Variants in STK32A observed in about 807,000 individuals in gnomAD.
STK32A encodes the protein serine/threonine kinase 32A, also known as serine/threonine-protein kinase 32A.
In STK32A, 41 loss-of-function variants were observed where a neutral mutation model predicts 53.2. The observed-to-expected ratio is 0.77, with a 90% CI of 0.60 to 1.00. The LOEUF (loss-of-function observed/expected upper bound fraction) is 1.00, where lower values mean the gene tolerates loss of function less well. Ranked by LOEUF, STK32A falls within the 50% of genes least tolerant of loss-of-function variation. STK32A has a pLI of 0.00. For synonymous variants in STK32A, 166 were observed against 162.8 expected (o/e 1.02, Z -0.15); for missense variants, 458 against 485.8 (o/e 0.94, Z 0.54).
intron 4 of STK32A, among the ~76,000 whole-genome samples, chr5:147,288,328 CTTT>C (rs1415629743): frequency 6.6e-6 from 1 of 152,174 alleles, no homozygotes; most frequent in Non-Finnish European, 1.5e-5. Flanking sequence ...CTAATAAATG[CTTT>C]TTGTTTTAGT....
At chr5:147,319,787 G>A (rs1357773657) in intron 4 of STK32A, among the ~76,000 whole-genome samples, 1 of 152,048 alleles carries the variant, frequency 6.6e-6, no homozygotes, top group Non-Finnish European at 1.5e-5. Context: ...CCCTGTTCAG[G>A]GTCAGAAAAA....
rs1163373236 is a variant in STK32A, at chr5:147,387,674, T to G, written c.*3691T>G. 6.6e-6 allele frequency: 1 copy of G among 152,244 alleles called. No individual in the cohort carries two copies. Among genetic ancestry groups the G allele is most frequent in the Non-Finnish European group, 1.5e-5 (1 of 68,050 alleles). 9.4% of individuals were successfully genotyped at this position (152,244 alleles called of 1,614,324 possible). On this transcript the variant is annotated 3_prime_UTR_variant, in exon 13 of 13. Transcript: ENST00000397936. ...GTCTGTGATTCCTGTTTATTACAAA[T>G]TCAGTGTGTCTGACTGATATTAAAC... is the stretch of plus-strand genomic sequence containing the variant.
chr5:147,269,994 A>G (rs1034736221), intron 2 of STK32A, among the ~76,000 whole-genome samples: 3 of 152,198 alleles, frequency 2.0e-5, no homozygotes, highest in African/African-American at 7.2e-5. Flanking sequence ...TTGAATATCA[A>G]TTATGTAATT....
intron 5 of STK32A, among the ~76,000 whole-genome samples, chr5:147,325,443 G>A (rs1213318217): frequency 6.6e-6 from 1 of 152,212 alleles, no homozygotes; most frequent in East Asian, 1.9e-4. Context: ...GTGAGCCACT[G>A]TACTCAGCCT....
chr5:147,361,659 C>T, intron 8 of STK32A, 45 bp downstream of exon 8: 1 of 1,354,544 alleles, frequency 7.4e-7, no homozygotes, highest in Non-Finnish European at 1.0e-6. Context: ...CCAGCAAGTT[C>T]TATTTTAGAA....
chr5:147,316,160 A>G (rs1033162655), intron 4 of STK32A, among the ~76,000 whole-genome samples: 1 of 152,194 alleles, frequency 6.6e-6, no homozygotes, highest in Admixed American at 6.5e-5. Context: ...AGTGGGATAG[A>G]ACCAACAAGT....
chr5:147,372,769 TCAA>T (rs1757055910), intron 9 of STK32A, among the ~76,000 whole-genome samples: 2 of 152,180 alleles, frequency 1.3e-5, no homozygotes, highest in South Asian at 4.1e-4. Flanking sequence ...GTGAAATGTA[TCAA>T]CATTTGTCAC....
chr5:147,247,737 C>G (rs940345347), intron 2 of STK32A, among the ~76,000 whole-genome samples: 1 of 152,120 alleles, frequency 6.6e-6, no homozygotes, highest in Non-Finnish European at 1.5e-5. Flanking sequence ...TCCAATAAAA[C>G]TTTATTTATG....
chr5:147,358,578 T>C (rs1327667457), intron 7 of STK32A, among the ~76,000 whole-genome samples: 3 of 152,168 alleles, frequency 2.0e-5, no homozygotes, highest in Admixed American at 6.5e-5. Flanking sequence ...TATATTCATA[T>C]AGCACTAAAA....
chr5:147,260,726 G>A (rs1754524094), intron 2 of STK32A, among the ~76,000 whole-genome samples: 2 of 152,098 alleles, frequency 1.3e-5, no homozygotes, highest in Admixed American at 1.3e-4. Flanking sequence ...CTCCCCTAAG[G>A]CAGAATCAGG....
the STK32A span, among the ~76,000 whole-genome samples, chr5:147,394,354 T>C: frequency 1.3e-5 from 2 of 152,218 alleles, no homozygotes; most frequent in Non-Finnish European, 2.9e-5. Flanking sequence ...AGATTTCATC[T>C]GACCCAGAGC....
chr5:147,330,634 G>A (rs919271159), intron 5 of STK32A, among the ~76,000 whole-genome samples: 9 of 152,186 alleles, frequency 5.9e-5, no homozygotes, highest in Admixed American at 1.3e-4. Flanking sequence ...GAAGAAGTGA[G>A]GAGGTTTCAA....
intron 4 of STK32A, among the ~76,000 whole-genome samples, chr5:147,283,408 A>AG (rs1480847346): frequency 1.3e-5 from 2 of 151,708 alleles, no homozygotes; most frequent in East Asian, 3.9e-4. Context: ...AATAAACCAA[A>AG]CCCAAACCCG....
intron 4 of STK32A, among the ~76,000 whole-genome samples, chr5:147,299,377 T>TCTTC (rs1181998040): frequency 1.3e-5 from 2 of 152,082 alleles, no homozygotes; most frequent in Non-Finnish European, 2.9e-5. Flanking sequence ...ATCAGGAAGG[T>TCTTC]CTTCATGACC....
intron 5 of STK32A, among the ~76,000 whole-genome samples, chr5:147,336,231 A>G (rs115997711): frequency 6.6e-6 from 1 of 152,168 alleles, no homozygotes; most frequent in Non-Finnish European, 1.5e-5. Flanking sequence ...TTTAATCAGC[A>G]TACACTGGTC....
chr5:147,351,090 C>T lies in STK32A; in HGVS notation c.498C>T (p.Asn166=), dbSNP rs61999287. The T allele has an allele frequency of 7.6e-4, 1,222 of 1,613,986 alleles. 12 individuals carry two copies. In the African/African-American group the frequency reaches 0.015, roughly 19 times the overall value. Residue 166 remains asparagine (N), a synonymous_variant, in exon 7 of 13, where the codon AAC becomes AAT. Transcript: ENST00000397936. ...GGCACGTGCACATCACAGATTTCAACATTGCTGCGATGCTGCCCAGGGAGA... is the reference window on the plus strand; with the variant it reads ...GGCACGTGCACATCACAGATTTCAATATTGCTGCGATGCTGCCCAGGGAGA... ...EHGHVHITDF[N]IAAMLPRETQ...
chr5:147,297,978 C>CA lies in STK32A; in HGVS notation c.260+18595dup, dbSNP rs60657537. Among the ~76,000 whole-genome samples, 714 of 135,898 alleles carry CA rather than the reference C, an allele frequency of 5.3e-3. 18 individuals carry two copies. The highest frequency in any genetic ancestry group is 0.016 in the African/African-American group (568 of 35,948). The allele number at this position is 135,898 out of a possible 152,430, so 89.2% of individuals were successfully genotyped here. ...CTGGTGACAGAGCAAGACTCTGTCT[C>CA]AAAAAAAAAAAAAAATACTATCTGA... On this transcript the variant is annotated intron_variant, in intron 4 of 12. Transcript: ENST00000397936.
At chr5:147,259,688 T>A (rs1348715807) in intron 2 of STK32A, among the ~76,000 whole-genome samples, 1 of 152,102 alleles carries the variant, frequency 6.6e-6, no homozygotes, top group East Asian at 1.9e-4. Flanking sequence ...ACTACTTCTA[T>A]CTCTTTCTTT....
At chr5:147,357,556 A>G (rs1016318996) in intron 7 of STK32A, among the ~76,000 whole-genome samples, 2 of 151,964 alleles carry the variant, frequency 1.3e-5, no homozygotes, top group Non-Finnish European at 1.5e-5. Flanking sequence ...ATAATTTCTC[A>G]TTTTTAATTT....
Sources: gnomAD v4.1 joint callset for allele counts (sites outside exome capture counted in the v4.1 genomes callset) on GRCh38, gnomAD v4.1.1 for gene constraint, MANE v1.5 for transcripts, NCBI Gene and HGNC (gene_info 2026-07-23, HGNC 2026-07-21) for gene names.